SLC15A1: variants seen among roughly 807,000 people sequenced by gnomAD.
SLC15A1 encodes solute carrier family 15 member 1.
SLC15A1 carries 83 observed loss-of-function variants against 92.9 expected under a neutral mutation model. That is an observed-to-expected ratio of 0.89 (90% CI 0.75 to 1.07). SLC15A1 has a LOEUF of 1.07. Ranked by LOEUF, SLC15A1 falls within the 50% of genes least tolerant of loss-of-function variation. The probability of loss-of-function intolerance (pLI) is 0.00; values close to 1 mark genes in which losing one functional copy is unlikely to be tolerated. For synonymous variants in SLC15A1, 322 were observed against 318.2 expected (o/e 1.01, Z -0.13); for missense variants, 857 against 880.1 (o/e 0.97, Z 0.33).
At chr13:98,725,165 C>G (rs1410153814) in intron 4 of SLC15A1, among the ~76,000 whole-genome samples, 1 of 152,218 alleles carries the variant, frequency 6.6e-6, no homozygotes, top group African/African-American at 2.4e-5. Context: ...TGAATGGAAG[C>G]AGCCTGAGAC....
At chr13:98,720,051 G>T (rs573326008) in intron 7 of SLC15A1, among the ~76,000 whole-genome samples, 1 of 152,148 alleles carries the variant, frequency 6.6e-6, no homozygotes, top group Non-Finnish European at 1.5e-5. Flanking sequence ...GAATGCTGGC[G>T]CCTCCAGGCA....
intron 1 of SLC15A1, among the ~76,000 whole-genome samples, chr13:98,749,238 A>T (rs1016546295): frequency 6.6e-6 from 1 of 152,200 alleles, no homozygotes; most frequent in Admixed American, 6.5e-5. Context: ...TTCACAGCCC[A>T]TCCATCATTT....
intron 5 of SLC15A1, 139 bp downstream of exon 5, chr13:98,723,773 A>C: frequency 8.6e-7 from 1 of 1,157,004 alleles, no homozygotes; most frequent in East Asian, 2.6e-5. Flanking sequence ...TCTATTTGAC[A>C]GCCTTCTCCA....
At chr13:98,718,725 C>G (rs1361443279) in intron 8 of SLC15A1, among the ~76,000 whole-genome samples, 1 of 152,160 alleles carries the variant, frequency 6.6e-6, no homozygotes, top group African/African-American at 2.4e-5. Context: ...AGGAGAATCG[C>G]TTGAACCCAG....
chr13:98,706,520 G>A (rs1447101023), intron 15 of SLC15A1, among the ~76,000 whole-genome samples: 2 of 152,178 alleles, frequency 1.3e-5, no homozygotes, highest in African/African-American at 4.8e-5. Flanking sequence ...CGGGTGTTGT[G>A]GGAGGGAATC....
chr13:98,726,076 A>G (rs747458234), intron 4 of SLC15A1, 47 bp downstream of exon 4: 4 of 1,606,604 alleles, frequency 2.5e-6, no homozygotes, highest in South Asian at 2.2e-5. Context: ...CAAAACCTAC[A>G]TTTACTTTTT....
intron 18 of SLC15A1, among the ~76,000 whole-genome samples, chr13:98,701,693 CAG>C (rs2088068924): frequency 7.6e-6 from 1 of 131,054 alleles, no homozygotes; most frequent in South Asian, 2.4e-4. Flanking sequence ...TTTTTTGAGA[CAG>C]AGTCTTGCTC....
At chr13:98,703,746 AGG>A (rs2088089595) in intron 17 of SLC15A1, among the ~76,000 whole-genome samples, 1 of 151,766 alleles carries the variant, frequency 6.6e-6, no homozygotes, top group African/African-American at 2.4e-5. Context: ...TTGTAGAGAC[AGG>A]GGTCTCACTG....
chr13:98,708,605 T>C, intron 15 of SLC15A1, 81 bp downstream of exon 15: 1 of 1,288,534 alleles, frequency 7.8e-7, no homozygotes. Flanking sequence ...CCTAATCCCC[T>C]TCATGCTGAA....
intron 18 of SLC15A1, among the ~76,000 whole-genome samples, chr13:98,696,217 C>T (rs2088019933): frequency 7.1e-6 from 1 of 141,576 alleles, no homozygotes; most frequent in African/African-American, 2.5e-5. Context: ...AGTTCGAGAC[C>T]AGCCTGGCCA....
intron 1 of SLC15A1, among the ~76,000 whole-genome samples, chr13:98,733,576 A>C (rs556354823): frequency 6.6e-6 from 1 of 152,204 alleles, no homozygotes; most frequent in Non-Finnish European, 1.5e-5. Flanking sequence ...CAAAAGCCCC[A>C]GGAAGCCAAT....
chr13:98,711,934 T>C lies in SLC15A1; in HGVS notation c.820A>G (p.Ile274Val), dbSNP rs750111801. 2 of 1,612,056 alleles carry C rather than the reference T, an allele frequency of 1.2e-6. No homozygotes were observed. Among genetic ancestry groups the C allele is most frequent in the East Asian group, 2.2e-5 (1 of 44,866 alleles). ...WAKEKYDERL[I>V]SQIKMVTRVM... ...CTCGTAACCATCTTAATTTGGGAGA[T>C]GAGCCGCTCCTGTAGTTGGAGTGGG... The change falls in exon 11 of 23, where the codon ATC (isoleucine) becomes GTC (valine). Residue 274 changes from isoleucine to valine, a missense_variant. Transcript: ENST00000376503.
intron 1 of SLC15A1, 133 bp downstream of exon 1, chr13:98,752,462 C>G (rs1007289107): frequency 5.9e-6 from 5 of 841,816 alleles, no homozygotes; most frequent in Non-Finnish European, 7.9e-6. Flanking sequence ...AACCTCCCGG[C>G]CCCCGTGGGC....
intron 4 of SLC15A1, among the ~76,000 whole-genome samples, chr13:98,725,060 T>C (rs1239865563): frequency 6.6e-6 from 1 of 152,076 alleles, no homozygotes; most frequent in East Asian, 1.9e-4. Flanking sequence ...GAGCTAGTTG[T>C]TGAAAAGAGC....
intron 6 of SLC15A1, 39 bp downstream of exon 6, chr13:98,721,765 G>A (rs1215285885): frequency 1.3e-6 from 2 of 1,577,884 alleles, no homozygotes; most frequent in East Asian, 2.2e-5. Context: ...TGGATGTGTA[G>A]TTCATTCACG....
intron 14 of SLC15A1, among the ~76,000 whole-genome samples, chr13:98,709,213 C>T (rs1429592924): frequency 1.3e-5 from 2 of 152,114 alleles, no homozygotes; most frequent in East Asian, 3.9e-4. Context: ...AAATGGTCTG[C>T]CTGCCTTGGC....
chr13:98,734,488 C>G (rs538286950), intron 1 of SLC15A1, among the ~76,000 whole-genome samples: 2 of 152,114 alleles, frequency 1.3e-5, no homozygotes, highest in Non-Finnish European at 2.9e-5. Flanking sequence ...ATCGCCTTAC[C>G]TGGTAAGCAC....
At chr13:98,739,880 A>G (rs1277275097) in intron 1 of SLC15A1, among the ~76,000 whole-genome samples, 2 of 151,334 alleles carry the variant, frequency 1.3e-5, no homozygotes, top group Admixed American at 1.3e-4. Context: ...CAGATTCTTA[A>G]TTGAGTATGG....
rs8187820 is a variant in SLC15A1, at chr13:98,723,913, C to T, written c.364G>A (p.Val122Met). The change falls in exon 5 of 23, where the codon GTG becomes ATG. Residue 122 changes from valine (V) to methionine (M), a missense_variant and splice_region_variant. Val to Met is a conservative substitution (Grantham distance 21). Transcript: ENST00000376503. Reference protein sequence around the residue: ...DGTPDSLPVHVVLSLIGLALI... With the variant: ...DGTPDSLPVHMVLSLIGLALI... ...GGGCAGCAGTGAGCACCAACTCACA[C>T]GTGCACAGGAAGGCTGTCGGGGGTG... 3,820 of 1,614,004 alleles carry T rather than the reference C, an allele frequency of 2.4e-3. 78 individuals are homozygous for T. The African/African-American group carries it at 0.041, about 17-fold the overall frequency.
Sources: gnomAD v4.1 joint callset for allele counts (sites outside exome capture counted in the v4.1 genomes callset) on GRCh38, gnomAD v4.1.1 for gene constraint, MANE v1.5 for transcripts, NCBI Gene and HGNC (gene_info 2026-07-23, HGNC 2026-07-21) for gene names.